STAG2: variants seen among roughly 807,000 people sequenced by gnomAD.
STAG2 encodes the protein STAG2 cohesin complex component, also known as cohesin subunit SA-2.
Under a neutral mutation model 108.1 loss-of-function variants are expected in STAG2, and 14 were observed. The ratio of observed to expected loss-of-function variants is 0.13; its 90% CI spans 0.09 to 0.20. The LOEUF is 0.20. Ranked by LOEUF, STAG2 falls within the 10% of genes least tolerant of loss-of-function variation. The probability of loss-of-function intolerance (pLI) is 1.00; values close to 1 mark genes in which losing one functional copy is unlikely to be tolerated. For missense variants in STAG2, 440 were observed against 940.9 expected (o/e 0.47, Z 6.96); for synonymous variants, 307 against 302.7 (o/e 1.01, Z -0.15).
chrX:124,036,657 C>A, intron 5 of STAG2, among the ~76,000 whole-genome samples: 1 of 111,235 alleles, frequency 9.0e-6, no homozygotes, highest in Non-Finnish European at 1.9e-5. Flanking sequence ...GGATTACAGG[C>A]GTGAGCTACC....
At chrX:124,005,127 T>C (rs2056224958) in intron 1 of STAG2, among the ~76,000 whole-genome samples, 1 of 112,303 alleles carries the variant, frequency 8.9e-6, no homozygotes, top group Non-Finnish European at 1.9e-5. Flanking sequence ...TAAATAGTTA[T>C]ATTGTATTGA....
rs1312735057 is a variant in STAG2, at chrX:124,042,664, T to A, written c.462+19T>A. ...CGATGAGGTAACTTACTACCTTAAGTGTTTTGATAACTTATGCATGTTTAT... is the reference window on the plus strand; with the variant it reads ...CGATGAGGTAACTTACTACCTTAAGAGTTTTGATAACTTATGCATGTTTAT... On this transcript the variant is annotated intron_variant, in intron 7 of 34. Coordinates refer to ENST00000371145, the MANE Select transcript of STAG2 (RefSeq NM_001042750.2). 3 of 1,060,848 alleles carry A rather than the reference T, an allele frequency of 2.8e-6. No individual in the cohort carries two copies. Among genetic ancestry groups the A allele is most frequent in the Middle Eastern group, 2.5e-4 (1 of 3,995 alleles). 87.4% of individuals were successfully genotyped at this position (1,060,848 alleles called of 1,213,427 possible).
intron 5 of STAG2, among the ~76,000 whole-genome samples, chrX:124,032,484 T>A (rs1010685047): frequency 1.3e-4 from 14 of 111,215 alleles, no homozygotes; most frequent in Non-Finnish European, 2.6e-4. Flanking sequence ...TTTTTTTTTT[T>A]AATTTCAACT....
Position 124,051,103 on chromosome X carries a change from T to C in STAG2, c.1018-18T>C, listed in dbSNP as rs766060312. 2.0e-5 allele frequency: 14 copies of C among 704,080 alleles called. No individual in the cohort carries two copies. The highest frequency in any genetic ancestry group is 5.2e-5 in the Admixed American group (1 of 19,345). 58.0% of individuals were successfully genotyped at this position (704,080 alleles called of 1,213,427 possible). ...AGTTTTAATGCATTGTCTCATCTTTTTTTTTTTTTTTTTTTAGCAAGGTGA... is the reference window on the plus strand; with the variant it reads ...AGTTTTAATGCATTGTCTCATCTTTCTTTTTTTTTTTTTTTAGCAAGGTGA... On this transcript the variant is annotated intron_variant, in intron 11 of 34. Coordinates refer to ENST00000371145, the MANE Select transcript of STAG2 (RefSeq NM_001042750.2).
intron 18 of STAG2, 52 bp downstream of exon 18, chrX:124,063,046 T>G (rs1471488143): frequency 8.6e-7 from 1 of 1,168,973 alleles, no homozygotes; most frequent in African/African-American, 1.8e-5. Flanking sequence ...TTTTTTTCCC[T>G]AAATGCCTCA....
chrX:123,972,848 C>T (rs1384831711), intron 1 of STAG2, among the ~76,000 whole-genome samples: 2 of 85,783 alleles, frequency 2.3e-5, no homozygotes, highest in East Asian at 7.8e-4. Context: ...GTGAAACTCC[C>T]CCCCTCTACC....
chrX:124,000,312 T>C, intron 1 of STAG2, among the ~76,000 whole-genome samples: 1 of 111,737 alleles, frequency 8.9e-6, no homozygotes, highest in Non-Finnish European at 1.9e-5. Context: ...TAATACTTGG[T>C]AATAACTGTG....
rs36097834 is a variant in STAG2 at position 124,061,743 on chromosome X, CTTTTTTTT to C, written c.1535-10_1535-3del. ...GAAGAAATAAGCTAACTCTTTCTGA[CTTTTTTTT>C]TTTTTTTTTTTTTTTTTAGCACTAA... On this transcript the variant is annotated intron_variant, in intron 16 of 34. Coordinates refer to ENST00000371145, the MANE Select transcript of STAG2 (RefSeq NM_001042750.2). 48 of 474,139 alleles carry C rather than the reference CTTTTTTTT, an allele frequency of 1.0e-4. No homozygotes were observed. Among genetic ancestry groups the C allele is most frequent in the Middle Eastern group, 6.5e-4 (1 of 1,530 alleles). 39.1% of individuals were successfully genotyped at this position (474,139 alleles called of 1,213,427 possible). A position where few individuals can be genotyped will look rare whatever the true frequency, so the allele number is the denominator to read the frequency against.
intron 1 of STAG2, among the ~76,000 whole-genome samples, chrX:123,987,284 T>A (rs1295143776): frequency 9.3e-6 from 1 of 107,585 alleles, no homozygotes; most frequent in African/African-American, 3.4e-5. Context: ...GCCACCGTGG[T>A]GTCGCCCAGG....
chrX:123,992,259 C>T (rs1003316031), intron 1 of STAG2, among the ~76,000 whole-genome samples: 3 of 111,210 alleles, frequency 2.7e-5, no homozygotes, highest in African/African-American at 9.8e-5. Context: ...TATGTCACCT[C>T]TGAAGAATTC....
At chrX:124,016,144 T>C (rs993880960) in intron 1 of STAG2, among the ~76,000 whole-genome samples, 3 of 107,988 alleles carry the variant, frequency 2.8e-5, no homozygotes, top group Non-Finnish European at 3.9e-5. Context: ...TTTTAAACAG[T>C]TTTTTTTTTC....
intron 4 of STAG2, among the ~76,000 whole-genome samples, chrX:124,029,115 C>A (rs2148048264): frequency 9.4e-6 from 1 of 106,199 alleles, no homozygotes; most frequent in African/African-American, 3.4e-5. Context: ...CTTCTGGGTT[C>A]ACGCCATTCT....
intron 2 of STAG2, 120 bp from the exon 3 acceptor site, chrX:124,022,411 G>A (rs1367275080): frequency 9.6e-6 from 3 of 312,989 alleles, no homozygotes; most frequent in African/African-American, 8.5e-5. Context: ...GCAAGGGAAT[G>A]AAATCCTTAT....
At chrX:124,009,135 A>T (rs754235487) in intron 1 of STAG2, among the ~76,000 whole-genome samples, 1 of 111,192 alleles carries the variant, frequency 9.0e-6, no homozygotes, top group Admixed American at 9.7e-5. Flanking sequence ...TTGAGTCATT[A>T]TTTCGCCTCC....
At chrX:123,964,332 T>C (rs1442934299) in intron 1 of STAG2, among the ~76,000 whole-genome samples, 2 of 112,553 alleles carry the variant, frequency 1.8e-5, no homozygotes, top group Admixed American at 1.9e-4. Flanking sequence ...TTTAAATGTT[T>C]ATAACTTAGC....
upstream of STAG2, chrX:123,961,694 C>G (rs972450059): frequency 2.0e-5 from 2 of 101,462 alleles, no homozygotes; most frequent in African/African-American, 7.1e-5. Flanking sequence ...TCCCTCCCTC[C>G]CCCCTCCCTC....
intron 1 of STAG2, among the ~76,000 whole-genome samples, chrX:124,009,443 G>GTAGGTAGATAGA (rs1556479689): frequency 3.0e-4 from 19 of 63,592 alleles, no homozygotes; most frequent in African/African-American, 1.2e-3. Context: ...AGGTAGGTAG[G>GTAGGTAGATAGA]TAGATAGATA....
rs192646217 is a variant in STAG2, at chrX:123,974,586, T to C, written c.-163+12730T>C. Among the ~76,000 whole-genome samples, 183 of 102,870 alleles carry C rather than the reference T, an allele frequency of 1.8e-3. 2 individuals carry two copies. The highest frequency in any genetic ancestry group is 4.8e-3 in the African/African-American group (134 of 28,069). The allele number at this position is 102,870 out of a possible 115,157, so 89.3% of individuals were successfully genotyped here. On this transcript the variant is annotated intron_variant, in intron 1 of 34. Transcript: ENST00000371145. ...CAAAGGTTGATACCTTCTTTTTTTTTTTTTTTTTTTGAGATGGAGTCTCGC... is the reference window on the plus strand; with the variant it reads ...CAAAGGTTGATACCTTCTTTTTTTTCTTTTTTTTTTGAGATGGAGTCTCGC...
chrX:123,977,516 C>T (rs1171149611), intron 1 of STAG2, among the ~76,000 whole-genome samples: 6 of 110,915 alleles, frequency 5.4e-5, no homozygotes, highest in Non-Finnish European at 7.5e-5. Flanking sequence ...GTTTTGATGG[C>T]GATTTCCTTA....
Sources: allele counts gnomAD v4.1 joint callset (sites outside exome capture counted in the v4.1 genomes callset), GRCh38; gene constraint gnomAD v4.1.1; transcripts MANE v1.5; gene names NCBI Gene and HGNC (gene_info 2026-07-23, HGNC 2026-07-21).